MAP3K7: variants seen among roughly 807,000 people sequenced by gnomAD.
MAP3K7 encodes the protein mitogen-activated protein kinase kinase kinase 7, also known as TGF-beta activated kinase 1.
In MAP3K7, 21 loss-of-function variants were observed where a neutral mutation model predicts 84.8. The ratio of observed to expected loss-of-function variants is 0.25; its 90% CI spans 0.18 to 0.36. The LOEUF is 0.36. Among genes scored for constraint, MAP3K7 ranks in the 10% least tolerant of loss-of-function variants. The probability of loss-of-function intolerance (pLI) is 1.00; values close to 1 mark genes in which losing one functional copy is unlikely to be tolerated. For missense variants in MAP3K7, 503 were observed against 747.7 expected (o/e 0.67, Z 3.82); for synonymous variants, 241 against 247.7 (o/e 0.97, Z 0.25).
In MAP3K7 at chr6:90,548,089, C is replaced by T; in HGVS notation, c.1038G>A (p.Lys346=). Residue 346 remains lysine, a synonymous_variant, in exon 10 of 17, where the codon AAG becomes AAA. Coordinates refer to ENST00000369329, the MANE Select transcript of MAP3K7 (RefSeq NM_145331.3). The stretch of plus-strand genomic sequence containing the variant: ...TTTTCAACAATTTTGATTCTAAGCG[C>T]TTAATAGTATCATTTGTGGCAGGAA... ...EQVPATNDTI[K]RLESKLLKNQ... is the part of the protein sequence containing the mutation. The T allele has an allele frequency of 6.2e-7, 1 of 1,611,980 alleles. No homozygotes were observed. Among genetic ancestry groups the T allele is most frequent in the African/African-American group, 1.3e-5 (1 of 74,920 alleles).
At chr6:90,569,968 A>G (rs1466968771) in intron 2 of MAP3K7, among the ~76,000 whole-genome samples, 1 of 152,130 alleles carries the variant, frequency 6.6e-6, no homozygotes, top group Admixed American at 6.5e-5. Flanking sequence ...AAAAAGCTCT[A>G]TCTATCTAGA....
intron 5 of MAP3K7, among the ~76,000 whole-genome samples, chr6:90,558,535 C>T (rs1776408821): frequency 6.6e-6 from 1 of 151,918 alleles, no homozygotes; most frequent in Admixed American, 6.6e-5. Flanking sequence ...CATGGAGAGG[C>T]CTGGAATAAA....
At chr6:90,523,489 A>G (rs1457900151) in intron 14 of MAP3K7, among the ~76,000 whole-genome samples, 189 bp downstream of exon 14, 3 of 152,172 alleles carry the variant, frequency 2.0e-5, no homozygotes, top group Admixed American at 2.0e-4. Context: ...AAAATACAGA[A>G]GGCAAGGCAG....
intron 6 of MAP3K7, among the ~76,000 whole-genome samples, chr6:90,555,553 C>A (rs1309563341): frequency 1.3e-5 from 2 of 152,214 alleles, no homozygotes; most frequent in Non-Finnish European, 2.9e-5. Flanking sequence ...CCGCGCCCAG[C>A]TATTTGCATT....
At chr6:90,544,166 T>G (rs769261425) in intron 12 of MAP3K7, among the ~76,000 whole-genome samples, 2 of 152,094 alleles carry the variant, frequency 1.3e-5, no homozygotes, top group Middle Eastern at 3.2e-3. Context: ...CAAAAAGCAG[T>G]AACTGAGGAA....
chr6:90,541,965 A>C (rs1228346779), intron 12 of MAP3K7, among the ~76,000 whole-genome samples: 1 of 152,038 alleles, frequency 6.6e-6, no homozygotes, highest in African/African-American at 2.4e-5. Context: ...GGAAGTATTA[A>C]CGAAACTCTT....
intron 12 of MAP3K7, among the ~76,000 whole-genome samples, chr6:90,537,594 TC>T (rs1301527222): frequency 6.6e-6 from 1 of 152,062 alleles, no homozygotes; most frequent in Non-Finnish European, 1.5e-5. Context: ...TCAGTTTTTT[TC>T]CATTTTAAGC....
chr6:90,525,419 C>T (rs1016078665), intron 13 of MAP3K7, among the ~76,000 whole-genome samples: 4 of 152,092 alleles, frequency 2.6e-5, no homozygotes, highest in Non-Finnish European at 2.9e-5. Flanking sequence ...AATCTCCTGG[C>T]CCCAAGTGAC....
intron 13 of MAP3K7, among the ~76,000 whole-genome samples, chr6:90,526,141 C>T (rs1054348982): frequency 6.6e-6 from 1 of 152,054 alleles, no homozygotes. Flanking sequence ...CTGTGCCCAG[C>T]CCCACAGTAA....
intron 5 of MAP3K7, among the ~76,000 whole-genome samples, chr6:90,558,041 G>A (rs1776389928): frequency 6.6e-6 from 1 of 152,066 alleles, no homozygotes; most frequent in African/African-American, 2.4e-5. Context: ...AGCAGGTATT[G>A]GCCGGGTGCA....
chr6:90,519,107 A>T (rs1294095953), intron 15 of MAP3K7, 151 bp downstream of exon 15: 2 of 574,834 alleles, frequency 3.5e-6, no homozygotes, highest in Non-Finnish European at 6.1e-6. Context: ...AACCAAAAGA[A>T]TTATTTTGAT....
At chr6:90,547,546 G>C (rs1042063612) in intron 10 of MAP3K7, among the ~76,000 whole-genome samples, 159 bp from the exon 11 acceptor site, 2 of 152,156 alleles carry the variant, frequency 1.3e-5, no homozygotes, top group Admixed American at 6.6e-5. Flanking sequence ...CAGGGGTAAG[G>C]GAAAGCAAGC....
At chr6:90,533,350 A>G (rs1331650213) in intron 13 of MAP3K7, among the ~76,000 whole-genome samples, 1 of 152,190 alleles carries the variant, frequency 6.6e-6, no homozygotes, top group Non-Finnish European at 1.5e-5. Flanking sequence ...TATTTATTGC[A>G]GTGAAGGAGA....
chr6:90,520,064 G>A (rs550001826), intron 14 of MAP3K7, among the ~76,000 whole-genome samples: 1 of 152,164 alleles, frequency 6.6e-6, no homozygotes, highest in East Asian at 1.9e-4. Context: ...CAACTTGACT[G>A]AGATGCGTGG....
intron 1 of MAP3K7, among the ~76,000 whole-genome samples, chr6:90,581,093 GTTATTT>G (rs1368405290): frequency 6.6e-6 from 1 of 152,068 alleles, no homozygotes; most frequent in Non-Finnish European, 1.5e-5. Flanking sequence ...GTGTTTGTGT[GTTATTT>G]TTAAAGAAAT....
At chr6:90,566,613 A>G (rs897269318) in intron 3 of MAP3K7, among the ~76,000 whole-genome samples, 8 of 152,220 alleles carry the variant, frequency 5.3e-5, no homozygotes, top group African/African-American at 9.6e-5. Flanking sequence ...GGAAGAATCA[A>G]TATCGTGAAA....
intron 8 of MAP3K7, chr6:90,551,275 A>G (rs756646543): frequency 1.2e-4 from 18 of 152,138 alleles, no homozygotes; most frequent in Non-Finnish European, 2.4e-4. Flanking sequence ...ACAACGTTTT[A>G]CCATTTAGGA....
chr6:90,558,722 T>C (rs1255005228), intron 5 of MAP3K7, among the ~76,000 whole-genome samples: 5 of 152,208 alleles, frequency 3.3e-5, no homozygotes, highest in Non-Finnish European at 5.9e-5. Flanking sequence ...AACCATGTAA[T>C]TAGTGCAATG....
intron 13 of MAP3K7, among the ~76,000 whole-genome samples, chr6:90,533,141 T>C (rs1283226718): frequency 6.6e-6 from 1 of 152,182 alleles, no homozygotes; most frequent in East Asian, 1.9e-4. Flanking sequence ...ATTCTGATAA[T>C]GTATACTAAG....
Sources: allele counts gnomAD v4.1 joint callset (sites outside exome capture counted in the v4.1 genomes callset), GRCh38; gene constraint gnomAD v4.1.1; transcripts MANE v1.5; gene names NCBI Gene and HGNC (gene_info 2026-07-23, HGNC 2026-07-21).